The following SFSWAP variants were observed in gnomAD, a reference collection of about 807,000 sequenced individuals.
SFSWAP encodes the protein splicing factor SWAP, also known as splicing factor, suppressor of white-apricot homolog.
A neutral mutation model predicts 100.7 loss-of-function variants in SFSWAP; 17 were observed. The ratio of observed to expected loss-of-function variants is 0.17; its 90% CI spans 0.12 to 0.25. The LOEUF (loss-of-function observed/expected upper bound fraction) is 0.25, where lower values mean the gene tolerates loss of function less well. SFSWAP is among the 10% of genes least tolerant of loss of function. The pLI is 1.00. For missense variants in SFSWAP, 1,005 were observed against 1,262.6 expected, an observed-to-expected ratio of 0.80 and a Z score of 3.09; for synonymous variants, 504 against 510.1, an observed-to-expected ratio of 0.99 and a Z score of 0.16.
At chr12:131,745,581 G>A (rs1881029187) in intron 7 of SFSWAP, among the ~76,000 whole-genome samples, 1 of 152,162 alleles carries the variant, frequency 6.6e-6, no homozygotes, top group South Asian at 2.1e-4. Flanking sequence ...ACATTTACAT[G>A]CATAGAATGT....
At chr12:131,735,276 C>T (rs183025391) in intron 7 of SFSWAP, among the ~76,000 whole-genome samples, 26 of 152,354 alleles carry the variant, frequency 1.7e-4, no homozygotes, top group African/African-American at 5.8e-4. Context: ...CGCTTTCTGA[C>T]GAACAGCCTT....
chr12:131,778,118 T>G lies in SFSWAP; in HGVS notation c.2196T>G (p.Thr732=). Residue 732 remains threonine (T), a synonymous_variant, in exon 14 of 18, where the codon ACT becomes ACG. Transcript: ENST00000261674. This position sits in a 1 kb window ranked among gnomAD's most constrained non-coding sequence, Gnocchi z 4.2. The part of the protein sequence containing the change: ...PLLTGGRPLP[T]LEVKPPDRPS... Reference sequence around the variant, plus strand: ...TGACTGGAGGCAGGCCTCTGCCTACTTTAGAAGTTAAACCACCCGATAGGC... The same window carrying G: ...TGACTGGAGGCAGGCCTCTGCCTACGTTAGAAGTTAAACCACCCGATAGGC... The G allele has an allele frequency of 1.9e-6, 3 of 1,613,938 alleles. No homozygotes were observed. The highest frequency in any genetic ancestry group is 2.5e-6 in the Non-Finnish European group (3 of 1,179,988).
In SFSWAP at chr12:131,799,423, G is replaced by A. The variant is rs773351594; in HGVS notation, c.2791G>A (p.Asp931Asn). Residue 931 changes from aspartate to asparagine, a missense_variant and splice_region_variant, in exon 18 of 18, where the codon GAT becomes AAT. Coordinates refer to ENST00000261674, the MANE Select transcript of SFSWAP (RefSeq NM_004592.4). ...VSSVQSKITQ[D>N]LMAKVRAMLA... is the part of the protein sequence containing the mutation. ...CTCCTCTGTGTCTCGCCCTGCACAG[G>A]ATCTCATGGCCAAAGTCAGAGCGAT... 9.3e-6 allele frequency: 15 copies of A among 1,614,112 alleles called. No homozygotes were observed. The highest frequency in any genetic ancestry group is 1.3e-5 in the Non-Finnish European group (15 of 1,179,976).
intron 15 of SFSWAP, chr12:131,796,809 T>G: frequency 1.1e-5 from 2 of 178,548 alleles, no homozygotes; most frequent in Non-Finnish European, 2.3e-5. Context: ...ACACTAAACT[T>G]TGATGTATTG....
chr12:131,768,249 T>C (rs1883286282), intron 13 of SFSWAP, among the ~76,000 whole-genome samples: 2 of 152,232 alleles, frequency 1.3e-5, no homozygotes, highest in South Asian at 4.1e-4. Context: ...TTGCTCCAAG[T>C]GGCCCCACGT....
At position 131,734,719 on chromosome 12, in the gene SFSWAP, C is replaced by T. The variant is rs1167103194; in HGVS notation, c.1081+6291C>T. On this transcript the variant is annotated intron_variant, in intron 7 of 17. Transcript: ENST00000261674. The surrounding 1 kb of genome is among the most constrained non-coding windows in gnomAD (Gnocchi z 4.9). ...TGAAGAGCAGAAGTTCCAAAAGCACCTGGTGCTTCCTGGGAGAAGTCACCT... is the reference window on the plus strand; with the variant it reads ...TGAAGAGCAGAAGTTCCAAAAGCACTTGGTGCTTCCTGGGAGAAGTCACCT... Among the ~76,000 whole-genome samples, 1 of 152,214 alleles carries T rather than the reference C, an allele frequency of 6.6e-6. No homozygotes were observed. Among genetic ancestry groups the T allele is most frequent in the African/African-American group, 2.4e-5 (1 of 41,460 alleles).
At chr12:131,784,985 G>T in intron 14 of SFSWAP, 1 of 1,101,918 alleles carries the variant, frequency 9.1e-7, no homozygotes, top group Non-Finnish European at 1.2e-6. Flanking sequence ...CTATAGCTTT[G>T]AATAAGCAGA....
At chr12:131,785,121 C>T (rs1157042357) in intron 14 of SFSWAP, 7 of 1,535,514 alleles carry the variant, frequency 4.6e-6, no homozygotes, top group Non-Finnish European at 6.1e-6. Flanking sequence ...GTCAGAGCAG[C>T]GCGTCAGTGA....
At chr12:131,765,237 C>T (rs984012517) in intron 12 of SFSWAP, among the ~76,000 whole-genome samples, 20 of 152,258 alleles carry the variant, frequency 1.3e-4, no homozygotes, top group Non-Finnish European at 2.6e-4. Context: ...ATAAATTCTG[C>T]TCTGCATTAA....
chr12:131,756,292 T>C (rs1882150536), intron 10 of SFSWAP, among the ~76,000 whole-genome samples, 181 bp from the exon 11 acceptor site: 1 of 152,244 alleles, frequency 6.6e-6, no homozygotes, highest in Admixed American at 6.5e-5. Context: ...CATTCCTCTT[T>C]GATACATTCC....
In SFSWAP at chr12:131,778,249, C is replaced by T. The variant is rs1884182568; in HGVS notation, c.2327C>T (p.Ser776Leu). 3 of 1,614,142 alleles carry T rather than the reference C, an allele frequency of 1.9e-6. No individual in the cohort carries two copies. The highest frequency in any genetic ancestry group is 2.5e-6 in the Non-Finnish European group (3 of 1,180,026). Reference protein sequence around the residue: ...RTRSRSPKYHSSSKSRSRSHS... With the variant: ...RTRSRSPKYHLSSKSRSRSHS... ...AGATCACGTTCTCCCAAGTACCATT[C>T]GTCATCCAAGTCCAGGTCTAGATCA... The change falls in exon 14 of 18, where the codon TCG (serine) becomes TTG (leucine). Residue 776 changes from serine to leucine, a missense_variant. By Grantham distance (145) the Ser-to-Leu change is moderately radical. Transcript: ENST00000261674. This position sits in a 1 kb window ranked among gnomAD's most constrained non-coding sequence, Gnocchi z 4.2.
At chr12:131,718,328 T>A (rs1878128355) in intron 3 of SFSWAP, among the ~76,000 whole-genome samples, 1 of 152,238 alleles carries the variant, frequency 6.6e-6, no homozygotes. Context: ...TTTGTTTCTT[T>A]AATGTCATCT....
rs1028255351 is a variant in SFSWAP, at chr12:131,727,172, A to G, written c.945+120A>G. 1.2e-4 allele frequency: 77 copies of G among 661,580 alleles called. No homozygotes were observed. In the Admixed American group the frequency reaches 2.3e-3, roughly 20 times the overall value. The allele number at this position is 661,580 out of a possible 1,614,324, so 41.0% of individuals were successfully genotyped here. A position where few individuals can be genotyped will look rare whatever the true frequency, so the allele number is the denominator to read the frequency against. On this transcript the variant is annotated intron_variant, in intron 6 of 17. Coordinates refer to ENST00000261674, the MANE Select transcript of SFSWAP (RefSeq NM_004592.4). ...TACAGTTGTATCTTATTTTATCATC[A>G]TTGAGGTGTATTTGCATTTTTGTTT...
chr12:131,782,914 C>T (rs1335639695), intron 14 of SFSWAP, among the ~76,000 whole-genome samples: 1 of 152,162 alleles, frequency 6.6e-6, no homozygotes, highest in Non-Finnish European at 1.5e-5. Flanking sequence ...GGCACGGTGG[C>T]TCACGCCTAT....
rs893313049 is a variant in SFSWAP, at chr12:131,754,378, C to T, written c.1333C>T (p.Pro445Ser). The T allele has an allele frequency of 1.6e-5, 25 of 1,571,212 alleles. 1 individual carries two copies. The highest frequency in any genetic ancestry group is 9.4e-5 in the South Asian group (8 of 84,844). The change falls in exon 9 of 18, where the codon CCC (proline) becomes TCC (serine). Residue 445 changes from proline (P) to serine (S), a missense_variant. Transcript: ENST00000261674. ...STTTTTSALAPVAAIIPPPPD... is the reference protein window; with the variant it reads ...STTTTTSALASVAAIIPPPPD... ...ACTCTTCTCCTGCAGTGCACTTGCC[C>T]CCGTGGCCGCCATCATCCCCCCGCC...
At chr12:131,744,948 A>G (rs936341846) in intron 7 of SFSWAP, among the ~76,000 whole-genome samples, 4 of 152,212 alleles carry the variant, frequency 2.6e-5, no homozygotes, top group Non-Finnish European at 5.9e-5. Flanking sequence ...CTCATTCATT[A>G]ACATGAGAAC....
intron 7 of SFSWAP, among the ~76,000 whole-genome samples, chr12:131,729,067 T>A (rs1189007208): frequency 6.6e-6 from 1 of 152,136 alleles, no homozygotes; most frequent in Non-Finnish European, 1.5e-5. Flanking sequence ...GTGGCTAGTG[T>A]CCTGTCACAT....
At position 131,797,407 on chromosome 12, in the gene SFSWAP, G is replaced by A. The variant is rs764327065; in HGVS notation, c.2717+47G>A. 2.7e-5 allele frequency: 41 copies of A among 1,523,384 alleles called. No individual in the cohort carries two copies. In the Admixed American group the frequency reaches 3.3e-4, roughly 12 times the overall value. The allele number at this position is 1,523,384 out of a possible 1,614,324, so 94.4% of individuals were successfully genotyped here. A position where few individuals can be genotyped will look rare whatever the true frequency, so the allele number is the denominator to read the frequency against. ...CTCTCTCTGGGGAAAGGCAAGGGGC[G>A]GCCAGCAGGACTCTCCCTCCTCCCT... On this transcript the variant is annotated intron_variant, in intron 16 of 17. Coordinates refer to ENST00000261674, the MANE Select transcript of SFSWAP (RefSeq NM_004592.4).
In SFSWAP at chr12:131,754,361, C is replaced by T. The variant is rs758232389; in HGVS notation, c.1323-7C>T. 4 of 1,546,610 alleles carry T rather than the reference C, an allele frequency of 2.6e-6. No homozygotes were observed. The Admixed American group carries it at 8.3e-5, about 32-fold the overall frequency. ...GCCCAGGGGTCTCACAGACTCTTCT[C>T]CTGCAGTGCACTTGCCCCCGTGGCC... On this transcript the variant is annotated splice_region_variant and splice_polypyrimidine_tract_variant and intron_variant, in intron 8 of 17. Transcript: ENST00000261674.
Sources: gnomAD v4.1 joint callset for allele counts (sites outside exome capture counted in the v4.1 genomes callset) on GRCh38, gnomAD v4.1.1 for gene constraint, Gnocchi (gnomAD v3.1) non-coding constraint, MANE v1.5 for transcripts, NCBI Gene and HGNC (gene_info 2026-07-23, HGNC 2026-07-21) for gene names.